The following CNTNAP2 variants were observed in gnomAD, a reference collection of about 807,000 sequenced individuals.
CNTNAP2 encodes contactin associated protein 2.
A neutral mutation model predicts 155.2 loss-of-function variants in CNTNAP2; 98 were observed. That is an observed-to-expected ratio of 0.63 (90% CI 0.54 to 0.75). The LOEUF is 0.75. Ranked by LOEUF, CNTNAP2 falls within the 30% of genes least tolerant of loss-of-function variation. The probability of loss-of-function intolerance (pLI) is 0.00; values close to 1 mark genes in which losing one functional copy is unlikely to be tolerated. For missense variants in CNTNAP2, 1,727 were observed against 1,688.1 expected, an observed-to-expected ratio of 1.02 and a Z score of -0.40; for synonymous variants, 651 against 631.2, an observed-to-expected ratio of 1.03 and a Z score of -0.47.
chr7:148,040,632 ACACATG>A (rs1246175588), intron 15 of CNTNAP2, among the ~76,000 whole-genome samples: 1 of 152,242 alleles, frequency 6.6e-6, no homozygotes, highest in Non-Finnish European at 1.5e-5. Context: ...TGTGCTCTGC[ACACATG>A]CACATACACA....
At chr7:146,402,237 G>T (rs1350747359) in intron 1 of CNTNAP2, among the ~76,000 whole-genome samples, 1 of 152,118 alleles carries the variant, frequency 6.6e-6, no homozygotes, top group East Asian at 1.9e-4. Context: ...TATTGATACT[G>T]TGTTTTGTAG....
intron 10 of CNTNAP2, among the ~76,000 whole-genome samples, chr7:147,447,514 C>T (rs1797760177): frequency 6.6e-6 from 1 of 152,146 alleles, no homozygotes; most frequent in Non-Finnish European, 1.5e-5. Flanking sequence ...CTCCTGGGTT[C>T]AAGCAATTCT....
At chr7:147,358,062 TTTC>T (rs1292867254) in intron 9 of CNTNAP2, among the ~76,000 whole-genome samples, 1 of 152,154 alleles carries the variant, frequency 6.6e-6, no homozygotes, top group Non-Finnish European at 1.5e-5. Flanking sequence ...TACTAAAAAC[TTTC>T]TTATGATATC....
intron 3 of CNTNAP2, among the ~76,000 whole-genome samples, chr7:146,993,342 C>T (rs773516391): frequency 5.9e-5 from 9 of 152,098 alleles, no homozygotes; most frequent in Non-Finnish European, 1.2e-4. Flanking sequence ...GACTTGTATG[C>T]GTGCTCAGGT....
intron 1 of CNTNAP2, among the ~76,000 whole-genome samples, chr7:146,276,252 G>T (rs1800161726): frequency 6.6e-6 from 1 of 152,136 alleles, no homozygotes; most frequent in Non-Finnish European, 1.5e-5. Context: ...TAAACATAAA[G>T]TCAATTCTAA....
rs1283185452 is a variant in CNTNAP2, at chr7:147,207,859, T to TA, written c.1348+75356dup. On this transcript the variant is annotated intron_variant, in intron 8 of 23. Transcript: ENST00000361727. ...CTCATTCACTTATAAACCATAAAATTAAAAAATGTTTTCTCAATGGCCATA... is the reference window on the plus strand; with the variant it reads ...CTCATTCACTTATAAACCATAAAATTAAAAAAATGTTTTCTCAATGGCCATA... Among the ~76,000 whole-genome samples the TA allele has an allele frequency of 6.5e-4, 99 of 152,154 alleles. 2 individuals carry two copies. The highest frequency in any genetic ancestry group is 2.2e-4 in the Non-Finnish European group (15 of 68,002).
chr7:146,813,152 G>A (rs778114297), intron 2 of CNTNAP2, among the ~76,000 whole-genome samples: 3 of 152,220 alleles, frequency 2.0e-5, no homozygotes, highest in Non-Finnish European at 4.4e-5. Context: ...CCCCCACACA[G>A]AGTCCCCACT....
chr7:146,515,804 G>A (rs1411481326), intron 1 of CNTNAP2, among the ~76,000 whole-genome samples: 1 of 151,990 alleles, frequency 6.6e-6, no homozygotes, highest in Admixed American at 6.6e-5. Context: ...GGTGTGAGGT[G>A]GGGGCAATCG....
At position 148,159,357 on chromosome 7, in the gene CNTNAP2, T is replaced by A. The variant is rs184464549; in HGVS notation, c.2773+11648T>A. Among the ~76,000 whole-genome samples, 778 of 152,334 alleles carry A rather than the reference T, an allele frequency of 5.1e-3. 4 individuals are homozygous for A. Among genetic ancestry groups the A allele is most frequent in the African/African-American group, 0.018 (740 of 41,566 alleles). ...TATATATTTGTTCAAAGTATACATA[T>A]CATTGTGGAAATTCGTGTTGTCTCT... On this transcript the variant is annotated intron_variant, in intron 17 of 23. Transcript: ENST00000361727.
chr7:146,165,192 A>AT (rs546870215), intron 1 of CNTNAP2, among the ~76,000 whole-genome samples: 397 of 152,180 alleles, frequency 2.6e-3, no homozygotes, highest in African/African-American at 9.2e-3. Context: ...TTACTAATAT[A>AT]TTTTTTTAAA....
In CNTNAP2 at chr7:146,393,465, A is replaced by G. The variant is rs80096965; in HGVS notation, c.97+276492A>G. Among the ~76,000 whole-genome samples the G allele has an allele frequency of 9.5e-3, 1,451 of 152,234 alleles. 77 individuals carry two copies. The highest frequency in any genetic ancestry group is 0.075 in the Admixed American group (1,144 of 15,276). On this transcript the variant is annotated intron_variant, in intron 1 of 23. Transcript: ENST00000361727. ...GGCCATGATGGTGTCTTGCATTGTG[A>G]GGTTAATAGGACCAATCAGTGGGGA...
intron 1 of CNTNAP2, among the ~76,000 whole-genome samples, chr7:146,492,008 A>T (rs952606881): frequency 6.6e-6 from 1 of 152,074 alleles, no homozygotes; most frequent in African/African-American, 2.4e-5. Context: ...GTCTTGTTTT[A>T]TTTTCTGGAT....
rs115480636 is a variant in CNTNAP2, at chr7:147,143,880, G to T, written c.1348+11371G>T. ...GAAAATGTATTCTCAGGAGCATGAC[G>T]TGAAGTAAAGCCTTGAAATTAGTCA... On this transcript the variant is annotated intron_variant, in intron 8 of 23. Coordinates refer to ENST00000361727, the MANE Select transcript of CNTNAP2 (RefSeq NM_014141.6). Among the ~76,000 whole-genome samples, 5 of 152,090 alleles carry T rather than the reference G, an allele frequency of 3.3e-5. No individual in the cohort carries two copies. In the East Asian group the frequency reaches 7.7e-4, roughly 23 times the overall value.
At chr7:147,581,389 G>T (rs1215524354) in intron 12 of CNTNAP2, among the ~76,000 whole-genome samples, 1 of 152,186 alleles carries the variant, frequency 6.6e-6, no homozygotes, top group African/African-American at 2.4e-5. Flanking sequence ...CTTCATAGGA[G>T]AAACATTCAT....
intron 16 of CNTNAP2, among the ~76,000 whole-genome samples, chr7:148,120,648 C>T (rs1207964679): frequency 1.3e-5 from 2 of 152,164 alleles, no homozygotes; most frequent in African/African-American, 2.4e-5. Flanking sequence ...CCATGTGGCC[C>T]ATGGTTCACA....
At chr7:148,180,354 C>T (rs1795015543) in intron 18 of CNTNAP2, among the ~76,000 whole-genome samples, 1 of 151,914 alleles carries the variant, frequency 6.6e-6, no homozygotes, top group African/African-American at 2.4e-5. Flanking sequence ...GAAAATATCC[C>T]TTCTCTCTTA....
At chr7:147,677,752 C>T (rs1449155384) in intron 13 of CNTNAP2, among the ~76,000 whole-genome samples, 1 of 151,614 alleles carries the variant, frequency 6.6e-6, no homozygotes, top group African/African-American at 2.4e-5. Flanking sequence ...CCAGTTTTCC[C>T]AGCACCATAT....
intron 14 of CNTNAP2, among the ~76,000 whole-genome samples, chr7:147,925,850 T>C (rs1800389185): frequency 6.6e-6 from 1 of 152,184 alleles, no homozygotes; most frequent in Admixed American, 6.5e-5. Flanking sequence ...CTATTCTCTG[T>C]ATTCCCTCCA....
chr7:147,272,664 A>ATTTTTTTTTTTTTT (rs71182188), intron 8 of CNTNAP2, among the ~76,000 whole-genome samples: 12 of 138,924 alleles, frequency 8.6e-5, no homozygotes, highest in Non-Finnish European at 1.7e-4. Flanking sequence ...CGCCCGGCTA[A>ATTTTTTTTTTTTTT]TTTTTTTTTT....
Sources: gnomAD v4.1 joint callset for allele counts (sites outside exome capture counted in the v4.1 genomes callset) on GRCh38, gnomAD v4.1.1 for gene constraint, MANE v1.5 for transcripts, NCBI Gene and HGNC (gene_info 2026-07-23, HGNC 2026-07-21) for gene names.